CAMK1D: variants seen among roughly 807,000 people sequenced by gnomAD.
CAMK1D encodes calcium/calmodulin-dependent protein kinase type 1D.
CAMK1D carries 9 observed loss-of-function variants against 47.7 expected under a neutral mutation model. The ratio of observed to expected loss-of-function variants is 0.19; its 90% CI spans 0.11 to 0.33. The LOEUF (loss-of-function observed/expected upper bound fraction) is 0.33, where lower values mean the gene tolerates loss of function less well. Ranked by LOEUF, CAMK1D falls within the 10% of genes least tolerant of loss-of-function variation. The probability of loss-of-function intolerance (pLI) is 1.00; values close to 1 mark genes in which losing one functional copy is unlikely to be tolerated. For synonymous variants in CAMK1D, 184 were observed against 184.9 expected, an observed-to-expected ratio of 0.99 and a Z score of 0.04; for missense variants, 291 against 488.7, an observed-to-expected ratio of 0.60 and a Z score of 3.81.
At chr10:12,382,162 G>A (rs1838366628) in intron 1 of CAMK1D, among the ~76,000 whole-genome samples, 1 of 152,134 alleles carries the variant, frequency 6.6e-6, no homozygotes, top group Non-Finnish European at 1.5e-5. Flanking sequence ...GACATTAAGT[G>A]GGGACTTGCT....
At chr10:12,392,241 G>C (rs953002997) in intron 1 of CAMK1D, among the ~76,000 whole-genome samples, 6 of 151,600 alleles carry the variant, frequency 4.0e-5, no homozygotes, top group Non-Finnish European at 7.4e-5. Context: ...GGTGGAGGCT[G>C]CAGTGAGCCG....
intron 1 of CAMK1D, among the ~76,000 whole-genome samples, chr10:12,357,058 C>A (rs1196527612): frequency 6.6e-6 from 1 of 152,190 alleles, no homozygotes; most frequent in Non-Finnish European, 1.5e-5. Context: ...TCTCTCTCCT[C>A]CTGCTTCTCC....
At chr10:12,389,786 G>A (rs568289130) in intron 1 of CAMK1D, among the ~76,000 whole-genome samples, 5 of 152,240 alleles carry the variant, frequency 3.3e-5, no homozygotes, top group African/African-American at 9.6e-5. Context: ...TTGGGGAATA[G>A]GATTGAGAGC....
intron 3 of CAMK1D, among the ~76,000 whole-genome samples, chr10:12,734,447 T>TATA (rs1491357022): frequency 9.0e-4 from 4 of 4,468 alleles, no homozygotes; most frequent in African/African-American, 1.0e-3. Context: ...CACACACATA[T>TATA]GTGTATATAT....
chr10:12,561,092 T>A lies in CAMK1D; in HGVS notation c.224+7736T>A, dbSNP rs139080566. ...CCATGCCTGGCTAATTGTTTTGTATTTTTTTTAATAGAGACAGGGTTTCAC... is the reference window on the plus strand; with the variant it reads ...CCATGCCTGGCTAATTGTTTTGTATATTTTTTAATAGAGACAGGGTTTCAC... On this transcript the variant is annotated intron_variant, in intron 2 of 10. Transcript: ENST00000619168. 4.3e-4 allele frequency among the ~76,000 whole-genome samples: 66 copies of A among 151,990 alleles called. No individual in the cohort carries two copies. In the East Asian group the frequency reaches 8.9e-3, roughly 21 times the overall value.
intron 6 of CAMK1D, among the ~76,000 whole-genome samples, chr10:12,798,935 G>T (rs1291581457): frequency 6.6e-6 from 1 of 152,146 alleles, no homozygotes; most frequent in Admixed American, 6.5e-5. Flanking sequence ...CAGGAGCAGG[G>T]CATAGATGGT....
intron 1 of CAMK1D, among the ~76,000 whole-genome samples, chr10:12,464,428 A>G (rs570156364): frequency 6.6e-6 from 1 of 152,222 alleles, no homozygotes; most frequent in Admixed American, 6.5e-5. Context: ...CAGAAGGTGT[A>G]CCATTTGATC....
chr10:12,524,813 C>G (rs1271425955), intron 1 of CAMK1D, among the ~76,000 whole-genome samples: 1 of 152,166 alleles, frequency 6.6e-6, no homozygotes, highest in African/African-American at 2.4e-5. Flanking sequence ...TTTATCATTT[C>G]TTTAGCTCTC....
chr10:12,709,227 A>G (rs1833843498), intron 3 of CAMK1D, among the ~76,000 whole-genome samples: 1 of 152,320 alleles, frequency 6.6e-6, no homozygotes, highest in Admixed American at 6.5e-5. Context: ...AGAAAAAAAC[A>G]AAAAGGCCTT....
intron 1 of CAMK1D, among the ~76,000 whole-genome samples, chr10:12,384,548 T>G (rs1427627851): frequency 6.6e-6 from 1 of 152,214 alleles, no homozygotes; most frequent in Non-Finnish European, 1.5e-5. Flanking sequence ...GTTTATTTTC[T>G]TTTGACTGTC....
At chr10:12,537,639 G>A (rs768257764) in intron 1 of CAMK1D, among the ~76,000 whole-genome samples, 24 of 152,156 alleles carry the variant, frequency 1.6e-4, no homozygotes, top group African/African-American at 3.6e-4. Flanking sequence ...CTGCAGGCCC[G>A]GACTGTCTCT....
At chr10:12,369,633 A>C (rs1306397471) in intron 1 of CAMK1D, among the ~76,000 whole-genome samples, 1 of 152,130 alleles carries the variant, frequency 6.6e-6, no homozygotes, top group African/African-American at 2.4e-5. Flanking sequence ...CTGTAGGATA[A>C]AGGAATATAT....
chr10:12,660,762 A>C (rs1260606010), intron 2 of CAMK1D, among the ~76,000 whole-genome samples: 1 of 152,228 alleles, frequency 6.6e-6, no homozygotes, highest in Admixed American at 6.5e-5. Context: ...ATGAAAATTA[A>C]GTTGAGTTTC....
intron 5 of CAMK1D, among the ~76,000 whole-genome samples, chr10:12,781,001 C>G (rs568953734): frequency 1.6e-4 from 24 of 152,304 alleles, no homozygotes; most frequent in South Asian, 8.3e-4. Context: ...ACGTGGGCGA[C>G]GTAAACCCAG....
At chr10:12,563,513 GAC>G (rs1309690576) in intron 2 of CAMK1D, among the ~76,000 whole-genome samples, 1 of 152,148 alleles carries the variant, frequency 6.6e-6, no homozygotes, top group Non-Finnish European at 1.5e-5. Context: ...TTCCCTCACA[GAC>G]ACACCAGAAA....
chr10:12,691,711 A>G (rs1366800081), intron 3 of CAMK1D, among the ~76,000 whole-genome samples: 1 of 151,774 alleles, frequency 6.6e-6, no homozygotes, highest in African/African-American at 2.4e-5. Flanking sequence ...TCGGCCTCCC[A>G]ACGTGCTGGG....
chr10:12,432,608 ATGAG>A (rs911117856), intron 1 of CAMK1D, among the ~76,000 whole-genome samples: 3 of 152,368 alleles, frequency 2.0e-5, no homozygotes, highest in African/African-American at 7.2e-5. Flanking sequence ...AAATGAATGA[ATGAG>A]TGAATAGATG....
chr10:12,673,557 A>G (rs1040825800), intron 3 of CAMK1D, among the ~76,000 whole-genome samples: 1 of 152,140 alleles, frequency 6.6e-6, no homozygotes, highest in African/African-American at 2.4e-5. Context: ...TTCTATCTCA[A>G]TAATCATGTC....
chr10:12,675,855 A>G (rs1289939991), intron 3 of CAMK1D, among the ~76,000 whole-genome samples: 1 of 152,170 alleles, frequency 6.6e-6, no homozygotes, highest in Admixed American at 6.5e-5. Flanking sequence ...GCTTCCTTGC[A>G]ATTCCTCAAA....
Sources: gnomAD v4.1 joint callset for allele counts (sites outside exome capture counted in the v4.1 genomes callset) on GRCh38, gnomAD v4.1.1 for gene constraint, MANE v1.5 for transcripts, NCBI Gene and HGNC (gene_info 2026-07-23, HGNC 2026-07-21) for gene names.